Variants in DOCK1 observed in about 807,000 individuals in gnomAD.
DOCK1 encodes dedicator of cytokinesis 1, also known as dedicator of cytokinesis protein 1.
In DOCK1, 138 loss-of-function variants were observed where a neutral mutation model predicts 262.7. The observed-to-expected ratio is 0.53, with a 90% CI of 0.46 to 0.61. The LOEUF (loss-of-function observed/expected upper bound fraction) is 0.61. DOCK1 is among the 20% of genes least tolerant of loss of function. The pLI is 0.00. For synonymous variants in DOCK1, 866 were observed against 867.4 expected, an observed-to-expected ratio of 1.00 and a Z score of 0.03; for missense variants, 1,908 against 2,370.7, an observed-to-expected ratio of 0.80 and a Z score of 4.05.
chr10:126,911,592 G>A (rs373276112), intron 1 of DOCK1, among the ~76,000 whole-genome samples: 18 of 152,238 alleles, frequency 1.2e-4, no homozygotes, highest in African/African-American at 4.1e-4. Context: ...ATGAGGAGGC[G>A]CCCGAGGAGG....
intron 10 of DOCK1, chr10:127,007,637 GAA>G (rs2041134351): frequency 6.6e-6 from 1 of 152,220 alleles, no homozygotes; most frequent in Non-Finnish European, 1.5e-5. Flanking sequence ...GTTTACCCCT[GAA>G]TGTCATCAGG....
At chr10:127,447,998 G>A (rs1255564789) in intron 51 of DOCK1, among the ~76,000 whole-genome samples, 1 of 152,220 alleles carries the variant, frequency 6.6e-6, no homozygotes. Context: ...GGAGAAGCTT[G>A]TCTCCAAACA....
At chr10:126,917,486 CCT>C (rs1564981111) in intron 1 of DOCK1, among the ~76,000 whole-genome samples, 2 of 152,164 alleles carry the variant, frequency 1.3e-5, no homozygotes, top group African/African-American at 4.8e-5. Context: ...GCCATCCTGG[CCT>C]CATTCCCAGA....
intron 29 of DOCK1, among the ~76,000 whole-genome samples, chr10:127,258,491 G>T (rs2059903772): frequency 1.3e-5 from 2 of 152,124 alleles, no homozygotes; most frequent in South Asian, 4.1e-4. Context: ...CCTTTTTATT[G>T]CTGGGTAGTG....
At chr10:127,072,950 G>T (rs1000229805) in intron 23 of DOCK1, among the ~76,000 whole-genome samples, 16 of 152,180 alleles carry the variant, frequency 1.1e-4, no homozygotes, top group African/African-American at 3.9e-4. Flanking sequence ...CCCCTTCCTA[G>T]AGATACCAGC....
At chr10:127,185,596 C>A (rs1172913053) in intron 27 of DOCK1, among the ~76,000 whole-genome samples, 1 of 152,178 alleles carries the variant, frequency 6.6e-6, no homozygotes, top group African/African-American at 2.4e-5. Context: ...ATATTAATGG[C>A]TTCCAAGGAG....
intron 21 of DOCK1, among the ~76,000 whole-genome samples, chr10:127,046,651 A>T (rs1178389712): frequency 6.6e-6 from 1 of 151,390 alleles, no homozygotes; most frequent in Non-Finnish European, 1.5e-5. Flanking sequence ...ATCCCAGCTA[A>T]TCAGAAGGCT....
intron 1 of DOCK1, among the ~76,000 whole-genome samples, chr10:126,949,342 A>G (rs894038841): frequency 6.6e-5 from 10 of 152,080 alleles, no homozygotes; most frequent in Non-Finnish European, 8.8e-5. Context: ...TCTTGGTTGG[A>G]CATGTTGCTT....
At chr10:127,405,332 A>G (rs908972844) in intron 40 of DOCK1, among the ~76,000 whole-genome samples, 18 of 152,066 alleles carry the variant, frequency 1.2e-4, no homozygotes, top group African/African-American at 4.1e-4. Flanking sequence ...TTACATAAAT[A>G]TTAATAGTGC....
intron 18 of DOCK1, among the ~76,000 whole-genome samples, chr10:127,033,434 ATGT>A (rs1281104816): frequency 1.3e-5 from 2 of 152,162 alleles, no homozygotes; most frequent in Non-Finnish European, 2.9e-5. Flanking sequence ...GAGCACACTG[ATGT>A]TGTTGCTGTC....
At chr10:127,316,236 G>A (rs957754664) in intron 29 of DOCK1, among the ~76,000 whole-genome samples, 2 of 152,080 alleles carry the variant, frequency 1.3e-5, no homozygotes, top group East Asian at 1.9e-4. Context: ...CTCTGGTCCC[G>A]TGCTGTACCT....
chr10:127,419,045 G>A (rs559102508), intron 45 of DOCK1, among the ~76,000 whole-genome samples: 2 of 152,178 alleles, frequency 1.3e-5, no homozygotes, highest in South Asian at 4.1e-4. Flanking sequence ...AGAAGGCCAC[G>A]CCTGTGCACT....
intron 21 of DOCK1, among the ~76,000 whole-genome samples, chr10:127,050,666 C>T (rs1233887273): frequency 6.7e-6 from 1 of 150,254 alleles, no homozygotes; most frequent in Non-Finnish European, 1.5e-5. Context: ...GATCGTGCCA[C>T]TGCACTCCCG....
chr10:127,320,954 C>T (rs2062492156), intron 29 of DOCK1, among the ~76,000 whole-genome samples: 2 of 151,700 alleles, frequency 1.3e-5, no homozygotes, highest in Non-Finnish European at 2.9e-5. Flanking sequence ...AGCCAGACCA[C>T]ACAGAGTGGT....
intron 27 of DOCK1, among the ~76,000 whole-genome samples, chr10:127,133,986 G>A (rs1425353161): frequency 6.6e-6 from 1 of 152,194 alleles, no homozygotes; most frequent in African/African-American, 2.4e-5. Context: ...CACTGCTGCA[G>A]CCAAACTGCC....
Position 127,176,432 on chromosome 10 carries a change from T to C in DOCK1, c.2847+48668T>C, listed in dbSNP as rs935894346. 2 of 1,549,180 alleles carry C rather than the reference T, an allele frequency of 1.3e-6. No homozygotes were observed. The highest frequency in any genetic ancestry group is 2.7e-5 in the African/African-American group (2 of 73,756). On this transcript the variant is annotated intron_variant, in intron 27 of 51. Coordinates refer to ENST00000623213, the MANE Select transcript of DOCK1 (RefSeq NM_001290223.2). The surrounding 1 kb of genome is among the most constrained non-coding windows in gnomAD (Gnocchi z 4.4). ...TCAGAAACAGCAACAGAGGTGTCAG[T>C]GGGACAGAAATACACACTCAAGCAC... is the stretch of plus-strand genomic sequence containing the variant.
At chr10:127,210,377 C>T (rs1287712090) in intron 27 of DOCK1, among the ~76,000 whole-genome samples, 1 of 152,150 alleles carries the variant, frequency 6.6e-6, no homozygotes, top group Non-Finnish European at 1.5e-5. Context: ...ATTAGAGGGG[C>T]TGTAAAGGGA....
chr10:127,269,485 C>T (rs1434564569), intron 29 of DOCK1, among the ~76,000 whole-genome samples: 1 of 152,162 alleles, frequency 6.6e-6, no homozygotes, highest in Non-Finnish European at 1.5e-5. Flanking sequence ...TTGCGGTTTC[C>T]CTTGATTTAT....
chr10:127,150,175 TG>T (rs2052349973), intron 27 of DOCK1, among the ~76,000 whole-genome samples: 1 of 152,218 alleles, frequency 6.6e-6, no homozygotes, highest in African/African-American at 2.4e-5. Flanking sequence ...ACACTGCTAC[TG>T]AGTCACCTGA....
Sources: allele counts gnomAD v4.1 joint callset (sites outside exome capture counted in the v4.1 genomes callset), GRCh38; gene constraint gnomAD v4.1.1; non-coding constraint Gnocchi (gnomAD v3.1); transcripts MANE v1.5; gene names NCBI Gene and HGNC (gene_info 2026-07-23, HGNC 2026-07-21).